ANKFY1: variants seen among roughly 807,000 people sequenced by gnomAD.
ANKFY1 encodes the protein ankyrin repeat and FYVE domain-containing protein 1.
Under a neutral mutation model 128.3 loss-of-function variants are expected in ANKFY1, and 47 were observed. The observed-to-expected ratio is 0.37, with a 90% CI of 0.29 to 0.47. ANKFY1 has a LOEUF of 0.47. ANKFY1 is among the 20% of genes least tolerant of loss of function. The pLI, the probability that ANKFY1 is intolerant of heterozygous loss-of-function variation, is 1.00. For synonymous variants in ANKFY1, 553 were observed against 601.6 expected (o/e 0.92, Z 1.18); for missense variants, 1,222 against 1,510.6 (o/e 0.81, Z 3.17).
chr17:4,181,407 T>G lies in ANKFY1; in HGVS notation c.2122-35A>C, dbSNP rs761692651. 19 of 1,502,358 alleles carry G rather than the reference T, an allele frequency of 1.3e-5. No individual in the cohort carries two copies. The East Asian group carries it at 4.1e-4, about 32-fold the overall frequency. The allele number at this position is 1,502,358 out of a possible 1,614,324, so 93.1% of individuals were successfully genotyped here. A position where few individuals can be genotyped will look rare whatever the true frequency, so the allele number is the denominator to read the frequency against. On this transcript the variant is annotated intron_variant, in intron 15 of 24. Coordinates refer to ENST00000341657, the MANE Select transcript of ANKFY1 (RefSeq NM_001330063.2). This position sits in a 1 kb window ranked among gnomAD's most constrained non-coding sequence, Gnocchi z 4.9. Reference sequence around the variant, plus strand: ...AACATAGGTTATTCACAAACACTGCTGAGCAAAGGCAAACAGTTTTATTAC... The same window carrying G: ...AACATAGGTTATTCACAAACACTGCGGAGCAAAGGCAAACAGTTTTATTAC...
chr17:4,183,303 T>G lies in ANKFY1; in HGVS notation c.1952+95A>C, dbSNP rs1303969458. ...ACTGTTTCCTTTCCTCTAACTAATATGAAACAAAAACACTTTTCTACAAGC... is the reference window on the plus strand; with the variant it reads ...ACTGTTTCCTTTCCTCTAACTAATAGGAAACAAAAACACTTTTCTACAAGC... On this transcript the variant is annotated intron_variant, in intron 14 of 24. Coordinates refer to ENST00000341657, the MANE Select transcript of ANKFY1 (RefSeq NM_001330063.2). The G allele has an allele frequency of 6.1e-6, 9 of 1,470,318 alleles. 1 individual carries two copies. The South Asian group carries it at 8.6e-5, about 14-fold the overall frequency. 91.1% of individuals were successfully genotyped at this position (1,470,318 alleles called of 1,614,324 possible). A position where few individuals can be genotyped will look rare whatever the true frequency, so the allele number is the denominator to read the frequency against.
intron 2 of ANKFY1, among the ~76,000 whole-genome samples, chr17:4,236,813 A>G (rs937090243): frequency 2.0e-5 from 3 of 152,172 alleles, no homozygotes; most frequent in Admixed American, 1.3e-4. Flanking sequence ...AAAGAAAAAA[A>G]AATACCATTA....
chr17:4,170,700 G>A lies in ANKFY1; in HGVS notation c.3286+15C>T, dbSNP rs369791240. 57 of 1,600,412 alleles carry A rather than the reference G, an allele frequency of 3.6e-5. No homozygotes were observed. Among genetic ancestry groups the A allele is most frequent in the East Asian group, 1.3e-4 (6 of 44,854 alleles). ...ACTGTGCTTGCACTGTGAGAGCAGAGAGCGGGCCACTCACCCAGCAGTCGG... is the reference window on the plus strand; with the variant it reads ...ACTGTGCTTGCACTGTGAGAGCAGAAAGCGGGCCACTCACCCAGCAGTCGG... On this transcript the variant is annotated intron_variant, in intron 23 of 24. Transcript: ENST00000341657.
chr17:4,203,827 C>CAAAAAAAAAAAAAAAAAAAAA (rs773865349), intron 7 of ANKFY1, among the ~76,000 whole-genome samples: 1 of 77,804 alleles, frequency 1.3e-5, no homozygotes, highest in Non-Finnish European at 2.5e-5. Flanking sequence ...ACAACAACAA[C>CAAAAAAAAAAAAAAAAAAAAA]AAAAAAAAAA....
chr17:4,217,567 G>C (rs1413076085), intron 3 of ANKFY1, among the ~76,000 whole-genome samples: 1 of 152,180 alleles, frequency 6.6e-6, no homozygotes, highest in Admixed American at 6.5e-5. Context: ...TGACTCAGCA[G>C]TCTGGGCAAC....
intron 1 of ANKFY1, among the ~76,000 whole-genome samples, chr17:4,259,670 T>C (rs8069769): frequency 0.43 from 64,650 of 152,030 alleles, 14,349 homozygotes; most frequent in African/African-American, 0.55. Flanking sequence ...TTATGCAGAG[T>C]ATAATAAAAG....
intron 3 of ANKFY1, among the ~76,000 whole-genome samples, chr17:4,217,503 A>G (rs917637306): frequency 2.0e-5 from 3 of 151,992 alleles, no homozygotes; most frequent in Non-Finnish European, 4.4e-5. Flanking sequence ...GCAGAGATTG[A>G]GCCACTGCAC....
chr17:4,209,012 C>A (rs1219254939), intron 5 of ANKFY1, among the ~76,000 whole-genome samples: 2 of 151,774 alleles, frequency 1.3e-5, no homozygotes, highest in East Asian at 3.9e-4. Context: ...GGAGCTGAGA[C>A]CGTGCCATTG....
At chr17:4,248,140 T>G (rs1421859119) in intron 1 of ANKFY1, among the ~76,000 whole-genome samples, 2 of 152,160 alleles carry the variant, frequency 1.3e-5, no homozygotes, top group East Asian at 3.9e-4. Context: ...CTAATGATAC[T>G]ATCTTAGAGC....
intron 3 of ANKFY1, chr17:4,223,133 C>G (rs2060356512): frequency 1.3e-6 from 1 of 770,468 alleles, no homozygotes; most frequent in African/African-American, 1.7e-5. Flanking sequence ...AAACAAAGAT[C>G]AAGCTTCTGA....
intron 2 of ANKFY1, among the ~76,000 whole-genome samples, chr17:4,241,982 G>A (rs576262944): frequency 2.4e-4 from 36 of 151,734 alleles, no homozygotes; most frequent in African/African-American, 7.7e-4. Flanking sequence ...CCAGCCACTC[G>A]GGAGGCTGAG....
chr17:4,193,692 C>T (rs557979543), intron 10 of ANKFY1, among the ~76,000 whole-genome samples: 23 of 152,066 alleles, frequency 1.5e-4, no homozygotes, highest in South Asian at 6.2e-4. Context: ...TCCCAAAGTG[C>T]TGGGATTAAC....
rs1480862996 is a variant in ANKFY1, at chr17:4,165,331, A to T, written c.*2448T>A. The T allele has an allele frequency of 6.6e-6, 1 of 152,226 alleles. No homozygotes were observed. Among genetic ancestry groups the T allele is most frequent in the African/African-American group, 2.4e-5 (1 of 41,454 alleles). 9.4% of individuals were successfully genotyped at this position (152,226 alleles called of 1,614,324 possible). ...TACTTTTCCTGCTCTACTCATTCAGAAGTGGCAACTTTCTGAATGAATTTA... is the reference window on the plus strand; with the variant it reads ...TACTTTTCCTGCTCTACTCATTCAGTAGTGGCAACTTTCTGAATGAATTTA... On this transcript the variant is annotated 3_prime_UTR_variant, in exon 25 of 25. Transcript: ENST00000341657.
chr17:4,197,694 A>C (rs2059851677), intron 7 of ANKFY1, 117 bp from the exon 8 acceptor site: 5 of 921,862 alleles, frequency 5.4e-6, no homozygotes, highest in Non-Finnish European at 6.7e-6. Flanking sequence ...GATGTGTCTG[A>C]AGGAACCTCT....
chr17:4,223,813 T>A, intron 3 of ANKFY1: 1 of 1,417,194 alleles, frequency 7.1e-7, no homozygotes, highest in East Asian at 2.3e-5. Context: ...CATGCAGGCC[T>A]GGGGGCCTAC....
intron 3 of ANKFY1, among the ~76,000 whole-genome samples, chr17:4,231,935 TAAAAA>T (rs773041555): frequency 2.4e-5 from 3 of 125,284 alleles, no homozygotes; most frequent in African/African-American, 5.9e-5. Flanking sequence ...AAATCCTGTT[TAAAAA>T]AAAAAAAAAA....
At chr17:4,187,922 C>G (rs71366592) in intron 11 of ANKFY1, 2,559 of 152,404 alleles carry the variant, frequency 0.017, 41 homozygotes, top group South Asian at 0.027. Context: ...CCCACCTCAG[C>G]CTCCCAAAGT....
At chr17:4,192,713 G>C (rs1478556156) in intron 10 of ANKFY1, among the ~76,000 whole-genome samples, 1 of 152,144 alleles carries the variant, frequency 6.6e-6, no homozygotes, top group Non-Finnish European at 1.5e-5. Context: ...ATAGAACAAA[G>C]ATAACCCATG....
chr17:4,193,594 T>G (rs2059758132), intron 10 of ANKFY1, among the ~76,000 whole-genome samples: 1 of 151,780 alleles, frequency 6.6e-6, no homozygotes, highest in Non-Finnish European at 1.5e-5. Context: ...GCCCGGCTAA[T>G]TTTTGTATTT....
Sources: gnomAD v4.1 joint callset for allele counts (sites outside exome capture counted in the v4.1 genomes callset) on GRCh38, gnomAD v4.1.1 for gene constraint, Gnocchi (gnomAD v3.1) non-coding constraint, MANE v1.5 for transcripts, NCBI Gene and HGNC (gene_info 2026-07-23, HGNC 2026-07-21) for gene names.